The following TEKT3 variants were observed in gnomAD, a reference collection of about 807,000 sequenced individuals.
TEKT3 encodes the protein tektin-3.
TEKT3 carries 49 observed loss-of-function variants against 49.8 expected under a neutral mutation model. The ratio of observed to expected loss-of-function variants is 0.98; its 90% confidence interval spans 0.78 to 1.25. The LOEUF is 1.25. TEKT3 is among the 50% of genes most tolerant of loss of function. The pLI is 0.00. For missense variants in TEKT3, 595 were observed against 629.5 expected (o/e 0.95, Z 0.59); for synonymous variants, 225 against 237.2 (o/e 0.95, Z 0.47).
chr17:15,309,970 C>T (rs907649744), intron 7 of TEKT3, among the ~76,000 whole-genome samples: 3 of 152,198 alleles, frequency 2.0e-5, no homozygotes, highest in Non-Finnish European at 4.4e-5. Flanking sequence ...ATCCTTTCTA[C>T]ACTACAGAGA....
At chr17:15,338,781 G>T (rs1168287744) in intron 2 of TEKT3, among the ~76,000 whole-genome samples, 2 of 149,158 alleles carry the variant, frequency 1.3e-5, no homozygotes, top group Non-Finnish European at 3.0e-5. Context: ...CTCCCAAAGT[G>T]TTGGGATTAC....
At chr17:15,328,847 G>A (rs372674168) in intron 3 of TEKT3, among the ~76,000 whole-genome samples, 6 of 152,154 alleles carry the variant, frequency 3.9e-5, no homozygotes, top group South Asian at 2.1e-4. Context: ...TGCTTTTCTC[G>A]AAGACTATTC....
intron 1 of TEKT3, among the ~76,000 whole-genome samples, chr17:15,341,302 A>C (rs1912219033): frequency 6.6e-6 from 1 of 152,188 alleles, no homozygotes; most frequent in African/African-American, 2.4e-5. Context: ...GAAAAGCATC[A>C]GAAAGGTAAA....
intron 4 of TEKT3, among the ~76,000 whole-genome samples, chr17:15,324,053 T>A (rs1015206843): frequency 6.6e-6 from 1 of 152,134 alleles, no homozygotes; most frequent in Non-Finnish European, 1.5e-5. Context: ...TCCATTACCT[T>A]CCAAAGAAAT....
At chr17:15,307,380 T>G (rs1910595863) in intron 8 of TEKT3, among the ~76,000 whole-genome samples, 1 of 152,236 alleles carries the variant, frequency 6.6e-6, no homozygotes, top group Non-Finnish European at 1.5e-5. Flanking sequence ...CACCACTAAA[T>G]GTGGCCTGGG....
At chr17:15,306,558 G>GAA (rs34533322) in intron 8 of TEKT3, among the ~76,000 whole-genome samples, 1 of 143,716 alleles carries the variant, frequency 7.0e-6, no homozygotes, top group Non-Finnish European at 1.5e-5. Context: ...CCAGGAATAG[G>GAA]AAAAAAAAAA....
chr17:15,303,990 G>T lies in TEKT3; in HGVS notation c.1419C>A (p.Cys473Ter). The T allele has an allele frequency of 6.2e-7, 1 of 1,614,150 alleles. No homozygotes were observed. The highest frequency in any genetic ancestry group is 8.5e-7 in the Non-Finnish European group (1 of 1,180,038). Residue 473 changes from cysteine to a stop codon, truncating the protein, a stop_gained, in exon 9 of 9, where the codon TGC becomes TGA. Transcript: ENST00000395930. LOFTEE classifies it high-confidence loss of function. The stretch of plus-strand genomic sequence containing the variant: ...TGGGGTAGCTCTTGCGCATGCTCAT[G>T]CATTTTTCCTGGTCGATGTACAGGG... ...ANSLYIDQEKCMSMRKSYPNT... is the reference protein window; with the variant it reads ...ANSLYIDQEK
chr17:15,336,582 C>T (rs980290125), intron 2 of TEKT3, among the ~76,000 whole-genome samples: 5 of 151,928 alleles, frequency 3.3e-5, no homozygotes, highest in Admixed American at 2.0e-4. Flanking sequence ...ATCTTTCTAA[C>T]TTTCAAATTT....
At chr17:15,308,989 G>T in intron 7 of TEKT3, 171 bp from the exon 8 acceptor site, 1 of 734,856 alleles carries the variant, frequency 1.4e-6, no homozygotes, top group Non-Finnish European at 2.2e-6. Context: ...GGGAACCCAC[G>T]TGTCTCACTG....
At chr17:15,332,827 A>T (rs1378922402) in intron 2 of TEKT3, among the ~76,000 whole-genome samples, 1 of 152,190 alleles carries the variant, frequency 6.6e-6, no homozygotes, top group Non-Finnish European at 1.5e-5. Flanking sequence ...CTCCCCGCAA[A>T]GGTGAACTCC....
intron 5 of TEKT3, among the ~76,000 whole-genome samples, chr17:15,318,050 C>T (rs900220042): frequency 2.1e-5 from 3 of 143,446 alleles, no homozygotes; most frequent in East Asian, 4.1e-4. Context: ...AGTGCAGTGG[C>T]GCAATCTCAG....
At chr17:15,338,435 C>G (rs1196088040) in intron 2 of TEKT3, 2 of 151,880 alleles carry the variant, frequency 1.3e-5, no homozygotes, top group Non-Finnish European at 2.9e-5. Context: ...TTTTAAAAGC[C>G]TATGGCTTAC....
At chr17:15,341,100 C>T (rs1211505102) in intron 1 of TEKT3, among the ~76,000 whole-genome samples, 1 of 152,182 alleles carries the variant, frequency 6.6e-6, no homozygotes, top group Non-Finnish European at 1.5e-5. Context: ...AACTCTCCTC[C>T]CCGTGGCTGC....
intron 2 of TEKT3, among the ~76,000 whole-genome samples, chr17:15,333,985 G>T (rs745668146): frequency 4.0e-5 from 6 of 151,880 alleles, no homozygotes; most frequent in African/African-American, 1.5e-4. Flanking sequence ...GGATGGTCTG[G>T]ATCTCCTGAC....
rs529780618 is a variant in TEKT3, at chr17:15,313,649, C to T, written c.878+438G>A. ...TCAGCCTCCTGAGTAGCTGGGATTA[C>T]AAGCACCCACCACCATGCCTGGCTA... is the stretch of plus-strand genomic sequence containing the variant. On this transcript the variant is annotated intron_variant, in intron 6 of 8. Coordinates refer to ENST00000395930, the MANE Select transcript of TEKT3 (RefSeq NM_031898.3). Among the ~76,000 whole-genome samples the T allele has an allele frequency of 1.1e-4, 16 of 152,196 alleles. 1 individual carries two copies. In the East Asian group the frequency reaches 1.5e-3, roughly 15 times the overall value.
chr17:15,321,288 C>T (rs1461924696), intron 4 of TEKT3, among the ~76,000 whole-genome samples: 5 of 152,176 alleles, frequency 3.3e-5, no homozygotes, highest in East Asian at 1.9e-4. Flanking sequence ...AGATTACAGG[C>T]GTGAGCCACC....
rs755889882 is a variant in TEKT3, at chr17:15,319,085, G to A, written c.726C>T (p.Ala242=). ...RMKLHLDKAI[A]QLAANRASQH... The stretch of plus-strand genomic sequence containing the variant: ...AGACATAAAGCTCTTACGCAAGTTG[G>A]GCAATAGCCTTATCCAAATGTAGCT... The change falls in exon 5 of 9, where the codon GCC becomes GCT. Residue 242 remains alanine (A), a synonymous_variant. Transcript: ENST00000395930. The A allele has an allele frequency of 1.9e-6, 3 of 1,611,314 alleles. No individual in the cohort carries two copies. In the East Asian group the frequency reaches 6.7e-5, roughly 36 times the overall value.
At chr17:15,322,614 CT>C (rs1421640462) in intron 4 of TEKT3, among the ~76,000 whole-genome samples, 1 of 152,158 alleles carries the variant, frequency 6.6e-6, no homozygotes, top group African/African-American at 2.4e-5. Flanking sequence ...CTTGGATGTC[CT>C]TGTTAAACCC....
intron 2 of TEKT3, among the ~76,000 whole-genome samples, chr17:15,337,497 A>G (rs1912031744): frequency 6.6e-6 from 1 of 152,244 alleles, no homozygotes; most frequent in East Asian, 1.9e-4. Flanking sequence ...ATATTGAACT[A>G]TAAGCTGTCC....
Sources: allele counts gnomAD v4.1 joint callset (sites outside exome capture counted in the v4.1 genomes callset), GRCh38; gene constraint gnomAD v4.1.1; transcripts MANE v1.5; gene names NCBI Gene and HGNC (gene_info 2026-07-23, HGNC 2026-07-21).